LMNA: variants seen among roughly 807,000 people sequenced by gnomAD.
The protein encoded by LMNA is lamin.
In LMNA, 20 loss-of-function variants were observed where a neutral mutation model predicts 70.4. That is an observed-to-expected ratio of 0.28 (90% confidence interval 0.20 to 0.41). The LOEUF (loss-of-function observed/expected upper bound fraction) is 0.41. Among genes scored for constraint, LMNA ranks in the 10% least tolerant of loss-of-function variants. The probability of loss-of-function intolerance (pLI) is 1.00; values close to 1 mark genes in which losing one functional copy is unlikely to be tolerated. For missense variants in LMNA, 652 were observed against 917.2 expected (o/e 0.71, Z 3.73); for synonymous variants, 339 against 372.8 (o/e 0.91, Z 1.04).
upstream of LMNA, among the ~76,000 whole-genome samples, chr1:156,112,381 C>CA (rs1558114434): frequency 5.9e-5 from 9 of 151,962 alleles, no homozygotes; most frequent in South Asian, 1.9e-3. Flanking sequence ...CCAAGATTCT[C>CA]AAAAAAAGAG....
At chr1:156,099,702 C>T (rs184192872) in intron 3 of LMNA, among the ~76,000 whole-genome samples, 57 of 151,710 alleles carry the variant, frequency 3.8e-4, no homozygotes, top group East Asian at 1.9e-4. Flanking sequence ...GCCAACATGG[C>T]GAAAACCCTA....
At position 156,139,301 on chromosome 1, in the gene LMNA, A is replaced by T; in HGVS notation, c.*195A>T. Reference sequence around the variant, plus strand: ...GGTTTTATACTGAAGGAAAAACACAAGCAAAAAAAAAAAAAAGCATCTATC... The same window carrying T: ...GGTTTTATACTGAAGGAAAAACACATGCAAAAAAAAAAAAAAGCATCTATC... On this transcript the variant is annotated 3_prime_UTR_variant, in exon 12 of 12. Transcript: ENST00000368300. The T allele has an allele frequency of 7.2e-7, 1 of 1,398,602 alleles. No individual in the cohort carries two copies. The highest frequency in any genetic ancestry group is 9.2e-7 in the Non-Finnish European group (1 of 1,081,146). 86.6% of individuals were successfully genotyped at this position (1,398,602 alleles called of 1,614,324 possible).
upstream of LMNA, among the ~76,000 whole-genome samples, chr1:156,113,379 G>A (rs1649612056): frequency 6.6e-6 from 1 of 152,052 alleles, no homozygotes; most frequent in South Asian, 2.1e-4. Context: ...ATAGGGGCCA[G>A]GATGAGGGGA....
intron 3 of LMNA, among the ~76,000 whole-genome samples, chr1:156,109,217 C>G (rs1181925262): frequency 6.6e-6 from 1 of 152,206 alleles, no homozygotes; most frequent in African/African-American, 2.4e-5. Flanking sequence ...TCTGGAATCC[C>G]TCCTGGCTTC....
chr1:156,098,191 G>A (rs1225777343), intron 3 of LMNA, among the ~76,000 whole-genome samples: 4 of 152,240 alleles, frequency 2.6e-5, no homozygotes, highest in Admixed American at 6.5e-5. Context: ...CCTTGTAGTA[G>A]AAGGGATGGA....
intron 3 of LMNA, chr1:156,090,930 C>T (rs1237696360): frequency 1.5e-4 from 23 of 152,232 alleles, no homozygotes; most frequent in South Asian, 6.2e-4. Flanking sequence ...CCAGCCTCAG[C>T]GCCCTCACTA....
At chr1:156,107,804 T>C (rs1649406487) in intron 3 of LMNA, among the ~76,000 whole-genome samples, 1 of 151,888 alleles carries the variant, frequency 6.6e-6, no homozygotes, top group Non-Finnish European at 1.5e-5. Context: ...TGTTTTTTTT[T>C]TCTTTTTTTT....
At chr1:156,127,226 G>A (rs1377419760) in intron 1 of LMNA, among the ~76,000 whole-genome samples, 1 of 152,198 alleles carries the variant, frequency 6.6e-6, no homozygotes, top group Non-Finnish European at 1.5e-5. Flanking sequence ...GGAGGGAGGA[G>A]AGACACTGGG....
Position 156,135,553 on chromosome 1 carries a change from G to T in LMNA, c.936+241G>T. 1.6e-6 allele frequency: 1 copy of T among 620,652 alleles called. No homozygotes were observed. Among genetic ancestry groups the T allele is most frequent in the Non-Finnish European group, 2.8e-6 (1 of 353,620 alleles). The allele number at this position is 620,652 out of a possible 1,614,324, so 38.4% of individuals were successfully genotyped here. ...GGCTTTGGTTTTCCCATTCGAAAAT[G>T]GAGGCTGTTCTTAATCTCCCTAACT... is the stretch of plus-strand genomic sequence containing the variant. On this transcript the variant is annotated intron_variant, in intron 5 of 11. Coordinates refer to ENST00000368300, the MANE Select transcript of LMNA (RefSeq NM_170707.4). The surrounding 1 kb of genome is among the most constrained non-coding windows in gnomAD (Gnocchi z 4.8).
At chr1:156,122,458 A>G (rs1650255078) in intron 1 of LMNA, among the ~76,000 whole-genome samples, 1 of 152,238 alleles carries the variant, frequency 6.6e-6, no homozygotes, top group African/African-American at 2.4e-5. Context: ...CTCAATAGAA[A>G]TGTTTCCCAC....
chr1:156,119,557 G>A (rs1436196745), intron 1 of LMNA, among the ~76,000 whole-genome samples: 1 of 152,226 alleles, frequency 6.6e-6, no homozygotes, highest in African/African-American at 2.4e-5. Context: ...TACCGCACCT[G>A]GTACCCCCTG....
Position 156,137,948 on chromosome 1 carries a change from G to A in LMNA, c.1698+205G>A. 9.4e-7 allele frequency: 1 copy of A among 1,061,274 alleles called. No homozygotes were observed. The allele number at this position is 1,061,274 out of a possible 1,614,324, so 65.7% of individuals were successfully genotyped here. A position where few individuals can be genotyped will look rare whatever the true frequency, so the allele number is the denominator to read the frequency against. Reference sequence around the variant, plus strand: ...GTGTCTGGGTGCCCTACTCTGGTAAGGAAGGGAGTGGGAACTTTCTGATGC... The same window carrying A: ...GTGTCTGGGTGCCCTACTCTGGTAAAGAAGGGAGTGGGAACTTTCTGATGC... On this transcript the variant is annotated intron_variant, in intron 10 of 11. Coordinates refer to ENST00000368300, the MANE Select transcript of LMNA (RefSeq NM_170707.4). The surrounding 1 kb of genome is among the most constrained non-coding windows in gnomAD (Gnocchi z 4.6).
chr1:156,121,961 G>C (rs1472152650), intron 1 of LMNA, among the ~76,000 whole-genome samples: 3 of 152,092 alleles, frequency 2.0e-5, no homozygotes, highest in Non-Finnish European at 4.4e-5. Context: ...TAAGAGACCA[G>C]CCTGGCCAAC....
chr1:156,129,838 G>C (rs754340448), intron 1 of LMNA: 8 of 768,590 alleles, frequency 1.0e-5, no homozygotes, highest in Non-Finnish European at 1.9e-5. Flanking sequence ...GAGGCTTAAA[G>C]CTGGGGCCCA....
chr1:156,085,625 G>A (rs1371564304), intron 2 of LMNA, among the ~76,000 whole-genome samples: 1 of 152,226 alleles, frequency 6.6e-6, no homozygotes, highest in African/African-American at 2.4e-5. Flanking sequence ...TATGTTGAGT[G>A]TAACTGCATT....
At chr1:156,092,296 G>T (rs1648737123) in intron 3 of LMNA, among the ~76,000 whole-genome samples, 1 of 152,090 alleles carries the variant, frequency 6.6e-6, no homozygotes, top group African/African-American at 2.4e-5. Context: ...GAGATAGGAG[G>T]AGCACTTGAG....
chr1:156,103,374 C>T lies in LMNA; in HGVS notation c.-206-11339C>T, dbSNP rs756819038. ...TAATGAGGCCGCCAAGGAAGAGGGC[C>T]CCCAGTATGCCCCTCTTGTGTGCTG... is the stretch of plus-strand genomic sequence containing the variant. On this transcript the variant is annotated intron_variant, in intron 3 of 12. Coordinates refer to the LMNA transcript ENST00000368301. This position sits in a 1 kb window ranked among gnomAD's most constrained non-coding sequence, Gnocchi z 4.7. Among the ~76,000 whole-genome samples, 3 of 152,092 alleles carry T rather than the reference C, an allele frequency of 2.0e-5. No individual in the cohort carries two copies. Among genetic ancestry groups the T allele is most frequent in the Non-Finnish European group, 4.4e-5 (3 of 68,016 alleles).
Position 156,136,441 on chromosome 1 carries a change from G to A in LMNA, c.1380+5G>A. ...CTGCGCAACAAGTCCAATGAGGTAGGCTCCTGCTCAGGGTCTAAGGGGATA... is the reference window on the plus strand; with the variant it reads ...CTGCGCAACAAGTCCAATGAGGTAGACTCCTGCTCAGGGTCTAAGGGGATA... On this transcript the variant is annotated splice_donor_5th_base_variant and intron_variant, in intron 7 of 11. Coordinates refer to ENST00000368300, the MANE Select transcript of LMNA (RefSeq NM_170707.4). The surrounding 1 kb of genome is among the most constrained non-coding windows in gnomAD (Gnocchi z 6.1). The A allele has an allele frequency of 6.4e-7, 1 of 1,565,870 alleles. No individual in the cohort carries two copies. Among genetic ancestry groups the A allele is most frequent in the Non-Finnish European group, 8.7e-7 (1 of 1,155,896 alleles).
At chr1:156,119,842 C>T (rs976263802) in intron 1 of LMNA, among the ~76,000 whole-genome samples, 2 of 152,314 alleles carry the variant, frequency 1.3e-5, no homozygotes, top group East Asian at 1.9e-4. Context: ...TTCTGCCCCC[C>T]TCCCCATTGC....
Sources: allele counts gnomAD v4.1 joint callset (sites outside exome capture counted in the v4.1 genomes callset), GRCh38; gene constraint gnomAD v4.1.1; non-coding constraint Gnocchi (gnomAD v3.1); transcripts MANE v1.5; gene names NCBI Gene and HGNC (gene_info 2026-07-23, HGNC 2026-07-21).